The following HHEX variants were observed in gnomAD, a reference collection of about 807,000 sequenced individuals.
HHEX encodes the protein hematopoietically expressed homeobox.
In HHEX, 8 loss-of-function variants were observed where a neutral mutation model predicts 27.0. The observed-to-expected ratio is 0.30, with a 90% confidence interval of 0.17 to 0.54. The LOEUF (loss-of-function observed/expected upper bound fraction) is 0.54, where lower values mean the gene tolerates loss of function less well. HHEX is among the 20% of genes least tolerant of loss of function. The pLI is 0.95. For missense variants in HHEX, 326 were observed against 357.2 expected, an observed-to-expected ratio of 0.91 and a Z score of 0.70; for synonymous variants, 164 against 161.5, an observed-to-expected ratio of 1.02 and a Z score of -0.12.
Position 92,690,003 on chromosome 10 carries a change from C to G in HHEX, c.17C>G (p.Pro6Arg), listed in dbSNP as rs1014685241. The stretch of plus-strand genomic sequence containing the variant: ...GGCGGAGCCATGCAGTACCCGCACC[C>G]CGGGCCGGCGGCGGGCGCCGTGGGG... MQYPH[P>R]GPAAGAVGVP... The change falls in exon 1 of 4, where the codon CCC becomes CGC. Residue 6 changes from proline to arginine, a missense_variant. By Grantham distance (103) the Pro-to-Arg change is moderately radical. This residue lies in a region of HHEX where 215 missense variants were observed against 196.4 expected (regional missense o/e 1.09). Coordinates refer to ENST00000282728, the MANE Select transcript of HHEX (RefSeq NM_002729.5). The G allele has an allele frequency of 1.4e-6, 2 of 1,470,478 alleles. No homozygotes were observed. The highest frequency in any genetic ancestry group is 3.0e-5 in the African/African-American group (2 of 67,530). The allele number at this position is 1,470,478 out of a possible 1,614,324, so 91.1% of individuals were successfully genotyped here. A position where few individuals can be genotyped will look rare whatever the true frequency, so the allele number is the denominator to read the frequency against.
At chr10:92,692,626 A>T in intron 2 of HHEX, 76 bp from the exon 3 acceptor site, 1 of 1,601,958 alleles carries the variant, frequency 6.2e-7, no homozygotes. Flanking sequence ...ACCGAGAGAG[A>T]GGCGAGGAGC....
rs1461382469 is a variant in HHEX, at chr10:92,692,685, TTC to T, written c.541-11_541-10del. 1.9e-6 allele frequency: 3 copies of T among 1,613,380 alleles called. No individual in the cohort carries two copies. Among genetic ancestry groups the T allele is most frequent in the African/African-American group, 2.7e-5 (2 of 74,864 alleles). ...GACGCGGGCTCGTTGCAAGTTTTCTTTCTCTCTTTCCTGTAGGTCAAAACCTG... is the reference window on the plus strand; with the variant it reads ...GACGCGGGCTCGTTGCAAGTTTTCTTTCTCTTTCCTGTAGGTCAAAACCTG... On this transcript the variant is annotated splice_polypyrimidine_tract_variant and intron_variant, in intron 2 of 3. Coordinates refer to ENST00000282728, the MANE Select transcript of HHEX (RefSeq NM_002729.5).
In HHEX at chr10:92,690,076, G is replaced by C. The variant is rs1845335406; in HGVS notation, c.90G>C (p.Thr30=). ...CGCTGCTGCAACCCGCACACCCGAC[G>C]CCCTTTTACATCGAGGACATCCTGG... is the stretch of plus-strand genomic sequence containing the variant. ...PTPLLQPAHP[T]PFYIEDILGR... Residue 30 remains threonine (T), a synonymous_variant, in exon 1 of 4, where the codon ACG becomes ACC. Coordinates refer to ENST00000282728, the MANE Select transcript of HHEX (RefSeq NM_002729.5). The C allele has an allele frequency of 2.6e-6, 4 of 1,545,776 alleles. No individual in the cohort carries two copies. The African/African-American group carries it at 5.5e-5, about 21-fold the overall frequency.
rs1338645026 is a variant in HHEX at position 92,690,079 on chromosome 10, C to G, written c.93C>G (p.Pro31=). Residue 31 remains proline, a synonymous_variant, in exon 1 of 4, where the codon CCC becomes CCG. Transcript: ENST00000282728. ...TPLLQPAHPT[P]FYIEDILGRG... is the part of the protein sequence containing the mutation. ...TGCTGCAACCCGCACACCCGACGCC[C>G]TTTTACATCGAGGACATCCTGGGCC... is the stretch of plus-strand genomic sequence containing the variant. 1.3e-6 allele frequency: 2 copies of G among 1,547,078 alleles called. No individual in the cohort carries two copies. Among genetic ancestry groups the G allele is most frequent in the Non-Finnish European group, 1.7e-6 (2 of 1,145,672 alleles).
chr10:92,690,048 C>T lies in HHEX; in HGVS notation c.62C>T (p.Thr21Met). The change falls in exon 1 of 4, where the codon ACG becomes ATG. Residue 21 changes from threonine to methionine, a missense_variant. By Grantham distance (81) the Thr-to-Met change is moderately conservative. Coordinates refer to ENST00000282728, the MANE Select transcript of HHEX (RefSeq NM_002729.5). Reference sequence around the variant, plus strand: ...GTGGGGGTGCCGCTGTACGCGCCCACGCCGCTGCTGCAACCCGCACACCCG... The same window carrying T: ...GTGGGGGTGCCGCTGTACGCGCCCATGCCGCTGCTGCAACCCGCACACCCG... Reference protein sequence around the residue: ...GAVGVPLYAPTPLLQPAHPTP... With the variant: ...GAVGVPLYAPMPLLQPAHPTP... The T allele has an allele frequency of 6.5e-7, 1 of 1,532,436 alleles. No individual in the cohort carries two copies. The highest frequency in any genetic ancestry group is 8.8e-7 in the Non-Finnish European group (1 of 1,141,022). 94.9% of individuals were successfully genotyped at this position (1,532,436 alleles called of 1,614,324 possible).
chr10:92,692,410 A>G lies in HHEX; in HGVS notation c.404A>G (p.His135Arg). Residue 135 changes from histidine (H) to arginine (R), a missense_variant, in exon 2 of 4, where the codon CAT becomes CGT. Physicochemically the swap from His to Arg is conservative, Grantham distance 29. Coordinates refer to ENST00000282728, the MANE Select transcript of HHEX (RefSeq NM_002729.5). ...LWSPFLQRPL[H>R]KRKGGQVRFS... ...AGCCCCTTCTTGCAGAGGCCTCTGCATAAAAGGAAAGGCGGCCAGGTGAGA... is the reference window on the plus strand; with the variant it reads ...AGCCCCTTCTTGCAGAGGCCTCTGCGTAAAAGGAAAGGCGGCCAGGTGAGA... 6.2e-7 allele frequency: 1 copy of G among 1,614,090 alleles called. No homozygotes were observed. The highest frequency in any genetic ancestry group is 8.5e-7 in the Non-Finnish European group (1 of 1,180,020).
chr10:92,691,043 C>G (rs1353296026), intron 1 of HHEX, among the ~76,000 whole-genome samples: 1 of 151,904 alleles, frequency 6.6e-6, no homozygotes, highest in East Asian at 1.9e-4. Context: ...TTTTTCGAGG[C>G]TGTTTTGCAC....
chr10:92,692,840 A>G (rs1334617440), intron 3 of HHEX, 88 bp downstream of exon 3: 1 of 1,086,160 alleles, frequency 9.2e-7, no homozygotes. Context: ...TGCAAAAGTC[A>G]TTTAAGAGAC....
At chr10:92,693,213 G>A (rs1473765402) in intron 3 of HHEX, among the ~76,000 whole-genome samples, 1 of 152,160 alleles carries the variant, frequency 6.6e-6, no homozygotes, top group Non-Finnish European at 1.5e-5. Flanking sequence ...AGAATTAAAT[G>A]TCAGGGAGTT....
rs1845333848 is a variant in HHEX at position 92,690,027 on chromosome 10, G to C, written c.41G>C (p.Gly14Ala). The change falls in exon 1 of 4, where the codon GGG (glycine) becomes GCG (alanine). Residue 14 changes from glycine to alanine, a missense_variant. Coordinates refer to ENST00000282728, the MANE Select transcript of HHEX (RefSeq NM_002729.5). Reference sequence around the variant, plus strand: ...CCCGGGCCGGCGGCGGGCGCCGTGGGGGTGCCGCTGTACGCGCCCACGCCG... The same window carrying C: ...CCCGGGCCGGCGGCGGGCGCCGTGGCGGTGCCGCTGTACGCGCCCACGCCG... Reference protein sequence around the residue: ...PHPGPAAGAVGVPLYAPTPLL... With the variant: ...PHPGPAAGAVAVPLYAPTPLL... 1 of 1,507,266 alleles carries C rather than the reference G, an allele frequency of 6.6e-7. No individual in the cohort carries two copies. Among genetic ancestry groups the C allele is most frequent in the Non-Finnish European group, 8.8e-7 (1 of 1,131,826 alleles). The allele number at this position is 1,507,266 out of a possible 1,614,324, so 93.4% of individuals were successfully genotyped here. A position where few individuals can be genotyped will look rare whatever the true frequency, so the allele number is the denominator to read the frequency against.
intron 1 of HHEX, among the ~76,000 whole-genome samples, chr10:92,691,252 C>G (rs1845352481): frequency 6.6e-6 from 1 of 152,166 alleles, no homozygotes. Flanking sequence ...CTTGTCCCCT[C>G]AATGTGCGGC....
chr10:92,693,047 G>A (rs1187412789), intron 3 of HHEX, among the ~76,000 whole-genome samples: 2 of 152,160 alleles, frequency 1.3e-5, no homozygotes, highest in Non-Finnish European at 2.9e-5. Context: ...AATTAACGCA[G>A]GAAAGATAAA....
At position 92,695,493 on chromosome 10, in the gene HHEX, A is replaced by G. The variant is rs1845397200; in HGVS notation, c.*725A>G. 6.6e-6 allele frequency: 1 copy of G among 152,614 alleles called. No individual in the cohort carries two copies. Among genetic ancestry groups the G allele is most frequent in the South Asian group, 2.1e-4 (1 of 4,838 alleles). The allele number at this position is 152,614 out of a possible 1,614,324, so 9.5% of individuals were successfully genotyped here. On this transcript the variant is annotated 3_prime_UTR_variant, in exon 4 of 4. Transcript: ENST00000282728. ...GAACTAGAAGTCACAGGTTAATTAAATGTAAGTAGATTGTAGATACTGTTT... is the reference window on the plus strand; with the variant it reads ...GAACTAGAAGTCACAGGTTAATTAAGTGTAAGTAGATTGTAGATACTGTTT...
In HHEX at chr10:92,692,501, C is replaced by G. The variant is rs767789592; in HGVS notation, c.495C>G (p.Pro165=). The G allele has an allele frequency of 6.2e-7, 1 of 1,613,906 alleles. No individual in the cohort carries two copies. Among genetic ancestry groups the G allele is most frequent in the Non-Finnish European group, 8.5e-7 (1 of 1,179,958 alleles). Residue 165 remains proline, a synonymous_variant, in exon 2 of 4, where the codon CCC becomes CCG. Coordinates refer to ENST00000282728, the MANE Select transcript of HHEX (RefSeq NM_002729.5). ...AGACGCAGAAATATCTCTCTCCGCCCGAGAGGAAGCGTCTGGCCAAGATGC... is the reference window on the plus strand; with the variant it reads ...AGACGCAGAAATATCTCTCTCCGCCGGAGAGGAAGCGTCTGGCCAAGATGC... ...KFETQKYLSP[P]ERKRLAKMLQ...
rs1483331825 is a variant in HHEX, at chr10:92,690,270, G to A, written c.284G>A (p.Gly95Asp). ...AALAAAYGPG[G>D]FGGPLYPFPR... ...CTGGCCGCTGCCTACGGACCCGGCG[G>A]CTTCGGGGGCCCTCTGTACCCCTTC... is the stretch of plus-strand genomic sequence containing the variant. Residue 95 changes from glycine to aspartate, a missense_variant, in exon 1 of 4, where the codon GGC (glycine) becomes GAC (aspartate). Physicochemically the swap from Gly to Asp is moderately conservative, Grantham distance 94. Around this residue, in one of 4 missense-constraint regions of HHEX, gnomAD observed 215 missense variants for 196.4 expected, o/e 1.09. Transcript: ENST00000282728. 6.4e-7 allele frequency: 1 copy of A among 1,555,054 alleles called. No homozygotes were observed. The highest frequency in any genetic ancestry group is 8.7e-7 in the Non-Finnish European group (1 of 1,149,714).
At position 92,690,255 on chromosome 10, in the gene HHEX, C is replaced by T. The variant is rs1418387; in HGVS notation, c.269C>T (p.Ala90Val). The T allele has an allele frequency of 5.1e-5, 80 of 1,560,936 alleles. No individual in the cohort carries two copies. The African/African-American group carries it at 8.3e-4, about 16-fold the overall frequency. ...CACTCCGCCGCCGCGCTGGCCGCTG[C>T]CTACGGACCCGGCGGCTTCGGGGGC... ...SHHSAAALAA[A>V]YGPGGFGGPL... Residue 90 changes from alanine to valine, a missense_variant, in exon 1 of 4, where the codon GCC becomes GTC. Coordinates refer to ENST00000282728, the MANE Select transcript of HHEX (RefSeq NM_002729.5).
At chr10:92,692,826 T>G (rs1845371238) in intron 3 of HHEX, 74 bp downstream of exon 3, 1 of 1,252,750 alleles carries the variant, frequency 8.0e-7, no homozygotes, top group Non-Finnish European at 1.2e-6. Context: ...TGTTATGGGT[T>G]GTATGCAAAA....
Position 92,690,146 on chromosome 10 carries a change from C to A in HHEX, c.160C>A (p.Pro54Thr). 1 of 1,552,538 alleles carries A rather than the reference C, an allele frequency of 6.4e-7. No individual in the cohort carries two copies. Among genetic ancestry groups the A allele is most frequent in the East Asian group, 2.4e-5 (1 of 41,032 alleles). The change falls in exon 1 of 4, where the codon CCC becomes ACC. Residue 54 changes from proline to threonine, a missense_variant. Around this residue, in one of 4 missense-constraint regions of HHEX, gnomAD observed 215 missense variants for 196.4 expected, o/e 1.09. Transcript: ENST00000282728. ...APTPAPTLPS[P>T]NSSFTSLVSP... ...CACGCCCGCCCCCACGCTGCCGTCC[C>A]CCAACTCCTCCTTCACCAGCCTCGT...
intron 1 of HHEX, chr10:92,691,611 G>C (rs1166811563): frequency 2.6e-5 from 4 of 152,252 alleles, no homozygotes; most frequent in Non-Finnish European, 5.9e-5. Context: ...GGCTGTGGTC[G>C]CCTGTCGGGG....
Sources: gnomAD v4.1 joint callset for allele counts (sites outside exome capture counted in the v4.1 genomes callset) on GRCh38, gnomAD v4.1.1 for gene constraint, gnomAD v4.1.1 regional missense constraint, MANE v1.5 for transcripts, NCBI Gene and HGNC (gene_info 2026-07-23, HGNC 2026-07-21) for gene names.